Variants in SERTAD3 observed in about 807,000 individuals in gnomAD.
The protein encoded by SERTAD3 is SERTA domain-containing protein 3.
In SERTAD3, 6 loss-of-function variants were observed where a neutral mutation model predicts 11.9. The ratio of observed to expected loss-of-function variants is 0.50; its 90% CI spans 0.28 to 0.99. The LOEUF is 0.99. SERTAD3 is among the 50% of genes least tolerant of loss of function. SERTAD3 has a pLI of 0.11. For synonymous variants in SERTAD3, 101 were observed against 98.9 expected, an observed-to-expected ratio of 1.02 and a Z score of -0.13; for missense variants, 261 against 240.9, an observed-to-expected ratio of 1.08 and a Z score of -0.55.
In SERTAD3 at chr19:40,441,203, G is replaced by A. The variant is rs1241748550; in HGVS notation, c.*287C>T. On this transcript the variant is annotated 3_prime_UTR_variant, in exon 2 of 2. Coordinates refer to ENST00000322354, the MANE Select transcript of SERTAD3 (RefSeq NM_203344.3). ...GGTCACAGGGGAGTGGGAACTAGCA[G>A]GAAAGGTGGAAGAAATGTGTAAGTG... 4 of 288,496 alleles carry A rather than the reference G, an allele frequency of 1.4e-5. No individual in the cohort carries two copies. Among genetic ancestry groups the A allele is most frequent in the Non-Finnish European group, 2.0e-5 (3 of 152,184 alleles). The allele number at this position is 288,496 out of a possible 1,614,324, so 17.9% of individuals were successfully genotyped here.
intron 1 of SERTAD3, among the ~76,000 whole-genome samples, chr19:40,442,837 C>T (rs1319235763): frequency 6.6e-6 from 1 of 152,148 alleles, no homozygotes; most frequent in Admixed American, 6.5e-5. Context: ...TCCTGAGTAG[C>T]TGGGATTACC....
chr19:40,442,181 G>C, intron 1 of SERTAD3, 95 bp from the exon 2 acceptor site: 1 of 657,266 alleles, frequency 1.5e-6, no homozygotes, highest in East Asian at 3.4e-5. Flanking sequence ...AGTTGTTAGT[G>C]ATTTTTAATC....
rs1409622502 is a variant in SERTAD3, at chr19:40,441,868, C to G, written c.213G>C (p.Leu71=). The part of the protein sequence containing the change: ...TLQQLQAALR[L]APAPALPPEP... ...CGGGGGGCAGGGCAGGGGCGGGAGCCAGGCGAAGTGCAGCCTGCAGCTGTT... is the reference window on the plus strand; with the variant it reads ...CGGGGGGCAGGGCAGGGGCGGGAGCGAGGCGAAGTGCAGCCTGCAGCTGTT... Residue 71 remains leucine (L), a synonymous_variant, in exon 2 of 2, where the codon CTG becomes CTC. Coordinates refer to ENST00000322354, the MANE Select transcript of SERTAD3 (RefSeq NM_203344.3). 1 of 1,577,610 alleles carries G rather than the reference C, an allele frequency of 6.3e-7. No individual in the cohort carries two copies. Among genetic ancestry groups the G allele is most frequent in the South Asian group, 1.2e-5 (1 of 85,376 alleles).
rs767552444 is a variant in SERTAD3 at position 40,441,446 on chromosome 19, A to C, written c.*44T>G. 4.0e-6 allele frequency: 6 copies of C among 1,496,488 alleles called. No individual in the cohort carries two copies. The South Asian group carries it at 7.7e-5, about 19-fold the overall frequency. 92.7% of individuals were successfully genotyped at this position (1,496,488 alleles called of 1,614,324 possible). A position where few individuals can be genotyped will look rare whatever the true frequency, so the allele number is the denominator to read the frequency against. The stretch of plus-strand genomic sequence containing the variant: ...AGAGTTGCATTCAGGGATCCAGGCC[A>C]CCGAAGATGACATGAGGAAGGATCG... On this transcript the variant is annotated 3_prime_UTR_variant, in exon 2 of 2. Transcript: ENST00000322354.
chr19:40,441,231 A>G lies in SERTAD3; in HGVS notation c.*259T>C. 2.8e-6 allele frequency: 1 copy of G among 357,358 alleles called. No individual in the cohort carries two copies. The highest frequency in any genetic ancestry group is 5.1e-6 in the Non-Finnish European group (1 of 195,642). The allele number at this position is 357,358 out of a possible 1,614,324, so 22.1% of individuals were successfully genotyped here. On this transcript the variant is annotated 3_prime_UTR_variant, in exon 2 of 2. Transcript: ENST00000322354. ...AAGGTGGAAGAAATGTGTAAGTGGA[A>G]AATCAGACTCCCAGAAACAGAGTCT...
Position 40,441,920 on chromosome 19 carries a change from C to G in SERTAD3, c.161G>C (p.Arg54Thr), listed in dbSNP as rs757948496. 3.8e-6 allele frequency: 6 copies of G among 1,573,218 alleles called. No homozygotes were observed. The South Asian group carries it at 7.1e-5, about 19-fold the overall frequency. ...GAGGGTGTTATGGATGAGGACATGC[C>G]TGCGGAGGCTGGGTGCTCGGGGGCC... ...SLGPRAPSLR[R>T]HVLIHNTLQQ... Residue 54 changes from arginine to threonine, a missense_variant, in exon 2 of 2, where the codon AGG (arginine) becomes ACG (threonine). Physicochemically the swap from Arg to Thr is moderately conservative, Grantham distance 71 (BLOSUM62 -1). Transcript: ENST00000322354.
intron 1 of SERTAD3, among the ~76,000 whole-genome samples, chr19:40,442,857 G>A (rs1355755967): frequency 6.6e-6 from 1 of 152,028 alleles, no homozygotes; most frequent in Admixed American, 6.6e-5. Context: ...CACCACACCC[G>A]GCCTCGATCA....
Position 40,441,954 on chromosome 19 carries a change from G to A in SERTAD3, c.127C>T (p.Arg43Cys), listed in dbSNP as rs767674354. Residue 43 changes from arginine to cysteine, a missense_variant, in exon 2 of 2, where the codon CGC (arginine) becomes TGC (cysteine). By Grantham distance (180) the Arg-to-Cys change is radical. Transcript: ENST00000322354. ...CTGGGTGCTCGGGGGCCCAGGCTGC[G>A]CTGGACTTTGTCTAGGGAGATGCGG... ...LLRISLDKVQRSLGPRAPSLR... is the reference protein window; with the variant it reads ...LLRISLDKVQCSLGPRAPSLR... 5 of 1,570,622 alleles carry A rather than the reference G, an allele frequency of 3.2e-6. No individual in the cohort carries two copies. The East Asian group carries it at 6.7e-5, about 21-fold the overall frequency.
chr19:40,441,654 C>T lies in SERTAD3; in HGVS notation c.427G>A (p.Gly143Arg), dbSNP rs1445309323. ...FLEALSSRYLGDSGLDDFFLD... is the reference protein window; with the variant it reads ...FLEALSSRYLRDSGLDDFFLD... The stretch of plus-strand genomic sequence containing the variant: ...AAGAAGTCATCCAGGCCAGAGTCCC[C>T]CAAGTACCGGGAGCTCAGAGCTTCT... The change falls in exon 2 of 2, where the codon GGG becomes AGG. Residue 143 changes from glycine to arginine, a missense_variant. Physicochemically the swap from Gly to Arg is moderately radical, Grantham distance 125. Coordinates refer to ENST00000322354, the MANE Select transcript of SERTAD3 (RefSeq NM_203344.3). The T allele has an allele frequency of 6.2e-7, 1 of 1,614,188 alleles. No homozygotes were observed. The highest frequency in any genetic ancestry group is 2.2e-5 in the East Asian group (1 of 44,884).
rs763004279 is a variant in SERTAD3 at position 40,441,837 on chromosome 19, G to A, written c.244C>T (p.Leu82Phe). The change falls in exon 2 of 2, where the codon CTC (leucine) becomes TTC (phenylalanine). Residue 82 changes from leucine to phenylalanine, a missense_variant. By Grantham distance (22) the Leu-to-Phe change is conservative (BLOSUM62 0). Coordinates refer to ENST00000322354, the MANE Select transcript of SERTAD3 (RefSeq NM_203344.3). ...APAPALPPEP[L>F]FLGEEDFSLS... Reference sequence around the variant, plus strand: ...GAGAAATCCTCCTCGCCCAGGAAGAGGGGCTCGGGGGGCAGGGCAGGGGCG... The same window carrying A: ...GAGAAATCCTCCTCGCCCAGGAAGAAGGGCTCGGGGGGCAGGGCAGGGGCG... 1.3e-5 allele frequency: 21 copies of A among 1,582,068 alleles called. No homozygotes were observed. The highest frequency in any genetic ancestry group is 1.7e-4 in the Middle Eastern group (1 of 5,872).
chr19:40,443,037 G>A (rs1297240558), intron 1 of SERTAD3, among the ~76,000 whole-genome samples: 1 of 151,804 alleles, frequency 6.6e-6, no homozygotes, highest in African/African-American at 2.4e-5. Flanking sequence ...TAGGAAAGGG[G>A]CCTGTCTCAT....
Position 40,441,834 on chromosome 19 carries a change from A to C in SERTAD3, c.247T>G (p.Phe83Val). 1 of 1,584,924 alleles carries C rather than the reference A, an allele frequency of 6.3e-7. No individual in the cohort carries two copies. The highest frequency in any genetic ancestry group is 8.6e-7 in the Non-Finnish European group (1 of 1,165,312). ...AGGGAGAAATCCTCCTCGCCCAGGA[A>C]GAGGGGCTCGGGGGGCAGGGCAGGG... ...PAPALPPEPL[F>V]LGEEDFSLSA... The change falls in exon 2 of 2, where the codon TTC becomes GTC. Residue 83 changes from phenylalanine (F) to valine (V), a missense_variant. Coordinates refer to ENST00000322354, the MANE Select transcript of SERTAD3 (RefSeq NM_203344.3).
chr19:40,442,084 G>A lies in SERTAD3; in HGVS notation c.-4C>T. 6.8e-7 allele frequency: 1 copy of A among 1,460,180 alleles called. No individual in the cohort carries two copies. Among genetic ancestry groups the A allele is most frequent in the African/African-American group, 1.4e-5 (1 of 70,196 alleles). 90.5% of individuals were successfully genotyped at this position (1,460,180 alleles called of 1,614,324 possible). On this transcript the variant is annotated splice_region_variant and 5_prime_UTR_variant, in exon 2 of 2. Coordinates refer to ENST00000322354, the MANE Select transcript of SERTAD3 (RefSeq NM_203344.3). The stretch of plus-strand genomic sequence containing the variant: ...TCCTCTTCAAGCCTCCCACCATGAT[G>A]CCCTGTAGAGAGAAGAGGCGCATAG...
In SERTAD3 at chr19:40,442,057, T is replaced by C. The variant is rs745923091; in HGVS notation, c.24A>G (p.Lys8=). The C allele has an allele frequency of 4.0e-6, 6 of 1,493,658 alleles. No homozygotes were observed. In the African/African-American group the frequency reaches 8.4e-5, roughly 21 times the overall value. 92.5% of individuals were successfully genotyped at this position (1,493,658 alleles called of 1,614,324 possible). A position where few individuals can be genotyped will look rare whatever the true frequency, so the allele number is the denominator to read the frequency against. ...CCTCCTCCTCTTCCAAATCAGAGTG[T>C]TTCCTCTTCAAGCCTCCCACCATGA... is the stretch of plus-strand genomic sequence containing the variant. MVGGLKR[K]HSDLEEEEER... The change falls in exon 2 of 2, where the codon AAA becomes AAG. Residue 8 remains lysine, a synonymous_variant. Transcript: ENST00000322354.
At chr19:40,442,631 TCTC>T (rs1303314706) in intron 1 of SERTAD3, 2 of 152,298 alleles carry the variant, frequency 1.3e-5, no homozygotes, top group Non-Finnish European at 2.9e-5. Flanking sequence ...AAAAAATACT[TCTC>T]ACCACCTCTG....
intron 1 of SERTAD3, chr19:40,443,334 C>CTCACCCCGCTCACCCCG (rs758579971): frequency 6.6e-6 from 1 of 152,222 alleles, no homozygotes; most frequent in Non-Finnish European, 1.5e-5. Context: ...GAGCCACCCC[C>CTCACCCCGCTCACCCCG]CTCACCCCGC....
Position 40,441,793 on chromosome 19 carries a change from G to C in SERTAD3, c.288C>G (p.Gly96=), listed in dbSNP as rs745368736. 6.2e-7 allele frequency: 1 copy of C among 1,601,736 alleles called. No individual in the cohort carries two copies. The part of the protein sequence containing the change: ...EEDFSLSATI[G]SILRELDTSM... ...AGGTGTCCAGCTCCCTGAGGATAGA[G>C]CCAATGGTGGCTGACAGGGAGAAAT... is the stretch of plus-strand genomic sequence containing the variant. The change falls in exon 2 of 2, where the codon GGC becomes GGG. Residue 96 remains glycine, a synonymous_variant. Transcript: ENST00000322354.
Position 40,441,260 on chromosome 19 carries a change from T to G in SERTAD3, c.*230A>C. On this transcript the variant is annotated 3_prime_UTR_variant, in exon 2 of 2. Transcript: ENST00000322354. ...CAGACTCCCAGAAACAGAGTCTCGT[T>G]AAGGCATTTGGAATAGATAAATTAA... 2.2e-6 allele frequency: 1 copy of G among 447,886 alleles called. No homozygotes were observed. Among genetic ancestry groups the G allele is most frequent in the East Asian group, 3.7e-5 (1 of 26,738 alleles). 27.7% of individuals were successfully genotyped at this position (447,886 alleles called of 1,614,324 possible). A position where few individuals can be genotyped will look rare whatever the true frequency, so the allele number is the denominator to read the frequency against.
In SERTAD3 at chr19:40,441,469, TCGA is replaced by T; in HGVS notation, c.*18_*20del. 1.5e-6 allele frequency: 1 copy of T among 667,634 alleles called. No homozygotes were observed. The highest frequency in any genetic ancestry group is 2.0e-6 in the Non-Finnish European group (1 of 500,458). 41.4% of individuals were successfully genotyped at this position (667,634 alleles called of 1,614,324 possible). A position where few individuals can be genotyped will look rare whatever the true frequency, so the allele number is the denominator to read the frequency against. ...CCACCGAAGATGACATGAGGAAGGATCGATCCCCTCTATCACAGTTTTAGGACC... is the reference window on the plus strand; with the variant it reads ...CCACCGAAGATGACATGAGGAAGGATTCCCCTCTATCACAGTTTTAGGACC... On this transcript the variant is annotated 3_prime_UTR_variant, in exon 2 of 2. Transcript: ENST00000322354.
Sources: gnomAD v4.1 joint callset for allele counts (sites outside exome capture counted in the v4.1 genomes callset) on GRCh38, gnomAD v4.1.1 for gene constraint, MANE v1.5 for transcripts, NCBI Gene and HGNC (gene_info 2026-07-23, HGNC 2026-07-21) for gene names.